Variants in RASGEF1A observed in about 807,000 individuals in gnomAD.
RASGEF1A encodes RasGEF domain family member 1A, also known as ras-GEF domain-containing family member 1A.
In RASGEF1A, 18 loss-of-function variants were observed where a neutral mutation model predicts 56.4. That is an observed-to-expected ratio of 0.32 (90% CI 0.22 to 0.47). The LOEUF (loss-of-function observed/expected upper bound fraction) is 0.47, where lower values mean the gene tolerates loss of function less well. Ranked by LOEUF, RASGEF1A falls within the 20% of genes least tolerant of loss-of-function variation. The pLI, the probability that RASGEF1A is intolerant of heterozygous loss-of-function variation, is 1.00. For synonymous variants in RASGEF1A, 245 were observed against 242.6 expected (o/e 1.01, Z -0.09); for missense variants, 422 against 627.1 (o/e 0.67, Z 3.49).
intron 1 of RASGEF1A, among the ~76,000 whole-genome samples, chr10:43,241,686 T>C (rs914629214): frequency 6.6e-6 from 1 of 151,390 alleles, no homozygotes; most frequent in Non-Finnish European, 1.5e-5. Context: ...AAAAAACAAA[T>C]AGCAAATCCT....
At chr10:43,206,363 G>A (rs1839996609) in intron 1 of RASGEF1A, among the ~76,000 whole-genome samples, 1 of 152,222 alleles carries the variant, frequency 6.6e-6, no homozygotes, top group African/African-American at 2.4e-5. Flanking sequence ...CTCATTCCAG[G>A]GCCCTGGACA....
intron 1 of RASGEF1A, among the ~76,000 whole-genome samples, chr10:43,221,681 G>A (rs923357966): frequency 6.6e-6 from 1 of 152,254 alleles, no homozygotes; most frequent in African/African-American, 2.4e-5. Context: ...GGGCAGCGAG[G>A]TGGGGTGGGG....
rs1840021448 is a variant in RASGEF1A at position 43,208,109 on chromosome 10, A to T, written c.-6-1987T>A. 3.0e-6 allele frequency: 3 copies of T among 985,356 alleles called. No individual in the cohort carries two copies. In the African/African-American group the frequency reaches 5.2e-5, roughly 17 times the overall value. The allele number at this position is 985,356 out of a possible 1,614,324, so 61.0% of individuals were successfully genotyped here. On this transcript the variant is annotated intron_variant, in intron 1 of 12. Coordinates refer to ENST00000395810, the MANE Select transcript of RASGEF1A (RefSeq NM_145313.4). ...GCCCACAGCTGCTCAGCACTGTCTC[A>T]GGCATCTGAGGCCAATGCACTGTGG...
chr10:43,239,845 A>T (rs1288179263), intron 1 of RASGEF1A, among the ~76,000 whole-genome samples: 1 of 152,232 alleles, frequency 6.6e-6, no homozygotes, highest in African/African-American at 2.4e-5. Flanking sequence ...TGTCAAAAAC[A>T]ATTACTGGTA....
At chr10:43,255,441 C>T (rs1840677691) in intron 1 of RASGEF1A, among the ~76,000 whole-genome samples, 1 of 152,184 alleles carries the variant, frequency 6.6e-6, no homozygotes, top group African/African-American at 2.4e-5. Context: ...CATCCAAAGG[C>T]TGGGGACAGC....
At position 43,196,276 on chromosome 10, in the gene RASGEF1A, G is replaced by C; in HGVS notation, c.1422-8C>G. 2 of 1,613,496 alleles carry C rather than the reference G, an allele frequency of 1.2e-6. No individual in the cohort carries two copies. Among genetic ancestry groups the C allele is most frequent in the Non-Finnish European group, 1.7e-6 (2 of 1,179,650 alleles). On this transcript the variant is annotated splice_polypyrimidine_tract_variant and splice_region_variant and intron_variant, in intron 12 of 12. Coordinates refer to ENST00000395810, the MANE Select transcript of RASGEF1A (RefSeq NM_145313.4). This position sits in a 1 kb window ranked among gnomAD's most constrained non-coding sequence, Gnocchi z 4.6. ...CTGTTCAGAAGGGTGGTCCTAGAGG[G>C]GGACAGGACAAGCAGTGCTCAGGCC...
chr10:43,260,845 C>T (rs532189020), intron 1 of RASGEF1A, among the ~76,000 whole-genome samples: 142 of 152,368 alleles, frequency 9.3e-4, no homozygotes, highest in Admixed American at 5.7e-3. Context: ...GTTTCTTTGA[C>T]CCATCATTCA....
chr10:43,200,296 C>T (rs763319565), intron 5 of RASGEF1A, 40 bp from the exon 6 acceptor site: 1 of 1,545,780 alleles, frequency 6.5e-7, no homozygotes, highest in Non-Finnish European at 8.8e-7. Context: ...ACAAGCTTCC[C>T]CTGGAGAAGG....
intron 1 of RASGEF1A, among the ~76,000 whole-genome samples, chr10:43,244,348 T>TC (rs1436774753): frequency 6.7e-6 from 1 of 149,336 alleles, no homozygotes; most frequent in Admixed American, 6.7e-5. Context: ...CCCTGCCACA[T>TC]CCCCCTCTCT....
intron 1 of RASGEF1A, among the ~76,000 whole-genome samples, chr10:43,246,430 C>A (rs1049520259): frequency 6.6e-6 from 1 of 152,062 alleles, no homozygotes; most frequent in African/African-American, 2.4e-5. Context: ...TCCTAAAATT[C>A]GTGTGAAAAT....
chr10:43,217,919 C>A (rs77994029), intron 1 of RASGEF1A, among the ~76,000 whole-genome samples: 9,468 of 152,254 alleles, frequency 0.062, 426 homozygotes, highest in Non-Finnish European at 0.099. Flanking sequence ...TCCAGGGAGC[C>A]CTTGTCCCAT....
At chr10:43,209,040 T>A in intron 1 of RASGEF1A, 1 of 985,458 alleles carries the variant, frequency 1.0e-6, no homozygotes. Flanking sequence ...TGCTTCCTCC[T>A]TGCCCCAACA....
chr10:43,197,371 AAAG>A (rs1839816324), intron 10 of RASGEF1A, among the ~76,000 whole-genome samples: 2 of 152,346 alleles, frequency 1.3e-5, no homozygotes, highest in South Asian at 4.1e-4. Flanking sequence ...GCAGGGACCC[AAAG>A]AAGGCCCCAC....
chr10:43,262,871 T>C (rs1172763261), intron 1 of RASGEF1A, among the ~76,000 whole-genome samples: 1 of 152,104 alleles, frequency 6.6e-6, no homozygotes, highest in Non-Finnish European at 1.5e-5. Flanking sequence ...GAGGTGGCAG[T>C]GAGCAGGGAG....
At chr10:43,248,891 A>AAATACT (rs56961023) in intron 1 of RASGEF1A, among the ~76,000 whole-genome samples, 40,695 of 151,766 alleles carry the variant, frequency 0.27, 5,599 homozygotes, top group Non-Finnish European at 0.3. Context: ...GGGGAGACAC[A>AAATACT]AATACTAAAC....
chr10:43,257,894 A>T (rs1387569656), intron 1 of RASGEF1A, among the ~76,000 whole-genome samples: 2 of 152,362 alleles, frequency 1.3e-5, no homozygotes, highest in East Asian at 3.9e-4. Flanking sequence ...CCAGGCAGCC[A>T]GTGCTCTGGC....
chr10:43,212,345 T>G (rs1362900972), intron 1 of RASGEF1A, among the ~76,000 whole-genome samples: 6 of 152,200 alleles, frequency 3.9e-5, no homozygotes, highest in Non-Finnish European at 2.9e-5. Flanking sequence ...TAAGATGGGC[T>G]CTGAGACCTT....
In RASGEF1A at chr10:43,201,080, G is replaced by A. The variant is rs368590324; in HGVS notation, c.460-192C>T. Among the ~76,000 whole-genome samples, 3 of 152,226 alleles carry A rather than the reference G, an allele frequency of 2.0e-5. No individual in the cohort carries two copies. The East Asian group carries it at 5.8e-4, about 29-fold the overall frequency. On this transcript the variant is annotated intron_variant, in intron 4 of 12. Transcript: ENST00000395810. ...ATGGGCTCCTCTGAGGACTGCTGAG[G>A]AGGGGTCTCAGTGGGCTGTCCTGCT...
chr10:43,205,889 G>A (rs377586940), intron 2 of RASGEF1A, 30 bp downstream of exon 2: 12 of 1,572,206 alleles, frequency 7.6e-6, no homozygotes, highest in Non-Finnish European at 1.0e-5. Flanking sequence ...CACCCCATTA[G>A]TCTCACTCCA....
Sources: allele counts gnomAD v4.1 joint callset (sites outside exome capture counted in the v4.1 genomes callset), GRCh38; gene constraint gnomAD v4.1.1; non-coding constraint Gnocchi (gnomAD v3.1); transcripts MANE v1.5; gene names NCBI Gene and HGNC (gene_info 2026-07-23, HGNC 2026-07-21).